PTPRT: variants seen among roughly 807,000 people sequenced by gnomAD.
PTPRT encodes the protein receptor-type tyrosine-protein phosphatase T.
In PTPRT, 56 loss-of-function variants were observed where a neutral mutation model predicts 176.8. That is an observed-to-expected ratio of 0.32 (90% CI 0.26 to 0.40). PTPRT has a LOEUF of 0.40. Among genes scored for constraint, PTPRT ranks in the 10% least tolerant of loss-of-function variants. The pLI, the probability that PTPRT is intolerant of heterozygous loss-of-function variation, is 1.00. For synonymous variants in PTPRT, 783 were observed against 739.0 expected (o/e 1.06, Z -0.96); for missense variants, 1,540 against 1,908.2 (o/e 0.81, Z 3.60).
At chr20:42,974,513 A>C (rs1000742110) in intron 1 of PTPRT, among the ~76,000 whole-genome samples, 2 of 152,172 alleles carry the variant, frequency 1.3e-5, no homozygotes, top group African/African-American at 4.8e-5. Flanking sequence ...TTCCACACCC[A>C]CAGACACACA....
intron 7 of PTPRT, among the ~76,000 whole-genome samples, chr20:42,475,321 G>C (rs1359412505): frequency 6.6e-6 from 1 of 152,164 alleles, no homozygotes; most frequent in East Asian, 1.9e-4. Flanking sequence ...CATGTAGTGT[G>C]CAAAGTAAAA....
intron 7 of PTPRT, among the ~76,000 whole-genome samples, chr20:42,472,841 T>C (rs1240233493): frequency 6.6e-6 from 1 of 152,196 alleles, no homozygotes; most frequent in African/African-American, 2.4e-5. Flanking sequence ...AATGTGAAAT[T>C]GTTAAATTCT....
chr20:42,139,430 T>C (rs920360957), intron 18 of PTPRT, among the ~76,000 whole-genome samples: 3 of 152,176 alleles, frequency 2.0e-5, no homozygotes, highest in African/African-American at 4.8e-5. Flanking sequence ...AAAGGGGTGA[T>C]GTACGACAGG....
intron 1 of PTPRT, among the ~76,000 whole-genome samples, chr20:43,061,087 A>AATGAATGGATGG (rs1555825213): frequency 1.3e-5 from 2 of 149,914 alleles, no homozygotes; most frequent in African/African-American, 4.9e-5. Context: ...CGGATAAATG[A>AATGAATGGATGG]ATGGATGGAT....
chr20:42,771,854 G>C (rs901875866), intron 4 of PTPRT, among the ~76,000 whole-genome samples: 1 of 152,196 alleles, frequency 6.6e-6, no homozygotes, highest in Admixed American at 6.5e-5. Context: ...ATATCCAGAG[G>C]GGGAGGGAAC....
intron 2 of PTPRT, among the ~76,000 whole-genome samples, chr20:42,802,058 C>T (rs938211114): frequency 2.0e-5 from 3 of 152,212 alleles, no homozygotes; most frequent in African/African-American, 7.2e-5. Flanking sequence ...TCTGAAACAG[C>T]GGTTCCCAAA....
At chr20:43,132,920 A>T (rs1425500587) in intron 1 of PTPRT, among the ~76,000 whole-genome samples, 5 of 152,300 alleles carry the variant, frequency 3.3e-5, no homozygotes, top group Non-Finnish European at 7.4e-5. Flanking sequence ...ATATATGAGT[A>T]AAGGAAAAGG....
At chr20:42,988,589 G>A (rs1311729078) in intron 1 of PTPRT, among the ~76,000 whole-genome samples, 1 of 152,146 alleles carries the variant, frequency 6.6e-6, no homozygotes, top group African/African-American at 2.4e-5. Context: ...GAAATTATAT[G>A]CACCATACAG....
chr20:42,541,980 A>G (rs1342249312), intron 7 of PTPRT, among the ~76,000 whole-genome samples: 1 of 152,200 alleles, frequency 6.6e-6, no homozygotes. Flanking sequence ...CTGATGGGAA[A>G]AAATTGAATC....
intron 14 of PTPRT, among the ~76,000 whole-genome samples, chr20:42,246,166 G>A (rs923576194): frequency 6.6e-6 from 1 of 151,972 alleles, no homozygotes; most frequent in African/African-American, 2.4e-5. Flanking sequence ...ATATGCAGCT[G>A]GGGGGTAGCT....
chr20:42,247,829 G>A (rs917232700), intron 14 of PTPRT, among the ~76,000 whole-genome samples: 1 of 152,108 alleles, frequency 6.6e-6, no homozygotes, highest in Non-Finnish European at 1.5e-5. Flanking sequence ...CTAAGGAGAG[G>A]GGCGAGTAAG....
chr20:42,179,415 T>C (rs903722118), intron 16 of PTPRT, among the ~76,000 whole-genome samples: 3 of 152,196 alleles, frequency 2.0e-5, no homozygotes, highest in African/African-American at 7.2e-5. Context: ...GAATTGCCAT[T>C]GACAACAATC....
intron 12 of PTPRT, among the ~76,000 whole-genome samples, chr20:42,314,269 C>T (rs111820639): frequency 1.1e-4 from 17 of 152,216 alleles, no homozygotes; most frequent in African/African-American, 3.9e-4. Context: ...TGGCTCACGC[C>T]TGTAATCCCA....
intron 2 of PTPRT, among the ~76,000 whole-genome samples, chr20:42,817,726 C>G (rs1569173145): frequency 6.6e-6 from 1 of 152,170 alleles, no homozygotes; most frequent in Non-Finnish European, 1.5e-5. Context: ...AGATTTGTCC[C>G]CACAGCCCAA....
intron 16 of PTPRT, among the ~76,000 whole-genome samples, chr20:42,174,228 G>C (rs1008481137): frequency 3.3e-5 from 5 of 152,070 alleles, no homozygotes; most frequent in African/African-American, 9.7e-5. Flanking sequence ...GTCTTGGTCA[G>C]TAAGTTACTC....
the PTPRT span, among the ~76,000 whole-genome samples, chr20:42,049,603 G>A: frequency 6.6e-6 from 1 of 152,104 alleles, no homozygotes; most frequent in African/African-American, 2.4e-5. Flanking sequence ...CATTCCCCAG[G>A]GCAGTAGCTC....
In PTPRT at chr20:42,076,524, C is replaced by T. The variant is rs544746155; in HGVS notation, c.*4355G>A. ...CTGGAAGATGCCTTAGTTGAGGTCC[C>T]CTCATGAACAGTGAGGTCAGAGCAC... On this transcript the variant is annotated 3_prime_UTR_variant, in exon 31 of 31. Coordinates refer to ENST00000373187, the MANE Select transcript of PTPRT (RefSeq NM_007050.6). 2 of 203,728 alleles carry T rather than the reference C, an allele frequency of 9.8e-6. No homozygotes were observed. Among genetic ancestry groups the T allele is most frequent in the South Asian group, 3.8e-4 (2 of 5,266 alleles). 12.6% of individuals were successfully genotyped at this position (203,728 alleles called of 1,614,324 possible). A position where few individuals can be genotyped will look rare whatever the true frequency, so the allele number is the denominator to read the frequency against.
intron 2 of PTPRT, among the ~76,000 whole-genome samples, chr20:42,836,129 A>G (rs2078176728): frequency 6.6e-6 from 1 of 152,094 alleles, no homozygotes; most frequent in Non-Finnish European, 1.5e-5. Context: ...TCCACCTCAG[A>G]TGCCTGTAAT....
chr20:42,209,013 C>T (rs2055547786), intron 15 of PTPRT, among the ~76,000 whole-genome samples: 1 of 152,182 alleles, frequency 6.6e-6, no homozygotes. Context: ...CGCTCAACGA[C>T]ATGGAAACTG....
Sources: gnomAD v4.1 joint callset for allele counts (sites outside exome capture counted in the v4.1 genomes callset) on GRCh38, gnomAD v4.1.1 for gene constraint, MANE v1.5 for transcripts, NCBI Gene and HGNC (gene_info 2026-07-23, HGNC 2026-07-21) for gene names.